Variants in PARD3 observed in about 807,000 individuals in gnomAD.
The protein encoded by PARD3 is partitioning defective 3 homolog.
PARD3 carries 75 observed loss-of-function variants against 155.4 expected under a neutral mutation model. The observed-to-expected ratio is 0.48, with a 90% CI of 0.40 to 0.58. The LOEUF (loss-of-function observed/expected upper bound fraction) is 0.58, where lower values mean the gene tolerates loss of function less well. PARD3 is among the 20% of genes least tolerant of loss of function. PARD3 has a pLI of 0.00. For missense variants in PARD3, 1,642 were observed against 1,721.7 expected (o/e 0.95, Z 0.82); for synonymous variants, 576 against 610.5 (o/e 0.94, Z 0.83).
chr10:34,344,290 T>C (rs1431343999), intron 15 of PARD3: 1 of 981,422 alleles, frequency 1.0e-6, no homozygotes, highest in African/African-American at 1.8e-5. Context: ...GTTTTTTTTT[T>C]TTTTTTTTTG....
intron 19 of PARD3, among the ~76,000 whole-genome samples, chr10:34,320,791 A>C (rs1206178091): frequency 1.3e-5 from 2 of 152,252 alleles, no homozygotes; most frequent in Non-Finnish European, 2.9e-5. Context: ...TGGACTGTTT[A>C]AAATGACACT....
chr10:34,415,578 C>A (rs899538843), intron 5 of PARD3, among the ~76,000 whole-genome samples: 7 of 152,070 alleles, frequency 4.6e-5, no homozygotes, highest in African/African-American at 1.4e-4. Context: ...GCAAACCAGT[C>A]AAACAGCAAA....
At chr10:34,406,032 T>C (rs572059356) in intron 5 of PARD3, among the ~76,000 whole-genome samples, 1 of 152,306 alleles carries the variant, frequency 6.6e-6, no homozygotes, top group East Asian at 1.9e-4. Flanking sequence ...GAGTCATCTG[T>C]ACAAAATGCC....
intron 1 of PARD3, among the ~76,000 whole-genome samples, chr10:34,800,455 C>CA (rs1313029883): frequency 6.6e-6 from 1 of 151,060 alleles, no homozygotes; most frequent in Non-Finnish European, 1.5e-5. Context: ...ACTAAAAATA[C>CA]AAAAAATTAG....
intron 22 of PARD3, among the ~76,000 whole-genome samples, chr10:34,267,049 G>C (rs1955349914): frequency 6.6e-6 from 1 of 152,052 alleles, no homozygotes; most frequent in Admixed American, 6.6e-5. Flanking sequence ...TATTTTTCAG[G>C]TTTTCAAAGT....
intron 2 of PARD3, among the ~76,000 whole-genome samples, chr10:34,624,226 T>C (rs183386332): frequency 1.3e-5 from 2 of 152,274 alleles, no homozygotes; most frequent in East Asian, 3.9e-4. Flanking sequence ...CAGGAAAAGG[T>C]GTGTAACAAG....
intron 1 of PARD3, among the ~76,000 whole-genome samples, chr10:34,739,951 A>C (rs1312357511): frequency 6.6e-6 from 1 of 152,176 alleles, no homozygotes. Flanking sequence ...CCAGAGTTGG[A>C]AGGCAAGGAC....
intron 3 of PARD3, among the ~76,000 whole-genome samples, chr10:34,501,717 C>A (rs1457054969): frequency 6.6e-6 from 1 of 151,586 alleles, no homozygotes; most frequent in Non-Finnish European, 1.5e-5. Flanking sequence ...AAAATAATGC[C>A]CTCCCACCCT....
At chr10:34,654,285 G>T (rs1389633533) in intron 2 of PARD3, among the ~76,000 whole-genome samples, 1 of 152,080 alleles carries the variant, frequency 6.6e-6, no homozygotes, top group African/African-American at 2.4e-5. Context: ...CATGTATAAG[G>T]TGATATCATA....
chr10:34,525,665 C>T (rs2082422945), intron 2 of PARD3, among the ~76,000 whole-genome samples: 1 of 152,054 alleles, frequency 6.6e-6, no homozygotes, highest in South Asian at 2.1e-4. Context: ...ATAAGAGAAT[C>T]CCTCAATAGT....
chr10:34,713,619 A>T lies in PARD3; in HGVS notation c.121-17200T>A, dbSNP rs552615904. On this transcript the variant is annotated intron_variant, in intron 1 of 24. Transcript: ENST00000374788. Reference sequence around the variant, plus strand: ...CACCAAAAAAATTAAAAATAAAATTAGTCAGGCGTGGTGTTCTGCACCTGT... The same window carrying T: ...CACCAAAAAAATTAAAAATAAAATTTGTCAGGCGTGGTGTTCTGCACCTGT... 2.2e-4 allele frequency among the ~76,000 whole-genome samples: 34 copies of T among 152,188 alleles called. 1 individual carries two copies. The highest frequency in any genetic ancestry group is 2.0e-3 in the Admixed American group (31 of 15,274).
chr10:34,125,990 C>A (rs1947269138), intron 23 of PARD3, among the ~76,000 whole-genome samples: 1 of 152,230 alleles, frequency 6.6e-6, no homozygotes, highest in African/African-American at 2.4e-5. Context: ...AAAAGCAACA[C>A]TAAGTCCTGT....
chr10:34,635,452 G>C (rs2092434093), intron 2 of PARD3, among the ~76,000 whole-genome samples: 1 of 152,234 alleles, frequency 6.6e-6, no homozygotes. Context: ...TGCCTATCCT[G>C]AGGGACCACA....
chr10:34,586,951 G>A (rs529556338), intron 2 of PARD3, among the ~76,000 whole-genome samples: 3 of 152,036 alleles, frequency 2.0e-5, no homozygotes, highest in East Asian at 3.9e-4. Context: ...CTCCATCTCC[G>A]AAAAAAAGAA....
intron 2 of PARD3, among the ~76,000 whole-genome samples, chr10:34,660,634 C>T (rs976141803): frequency 9.2e-5 from 14 of 151,932 alleles, no homozygotes; most frequent in Admixed American, 5.2e-4. Flanking sequence ...ATCTGTCATC[C>T]GCTCACTGAC....
chr10:34,549,522 C>G (rs937408420), intron 2 of PARD3, among the ~76,000 whole-genome samples: 4 of 152,118 alleles, frequency 2.6e-5, no homozygotes, highest in African/African-American at 9.7e-5. Context: ...CTGCTGATTC[C>G]ATTGAGATTC....
At chr10:34,675,663 A>G (rs558251052) in intron 2 of PARD3, 16 of 195,300 alleles carry the variant, frequency 8.2e-5, no homozygotes, top group African/African-American at 3.5e-4. Context: ...GTGCTCTTCA[A>G]TGACATCCTT....
chr10:34,183,226 C>T (rs1703581640), intron 22 of PARD3, among the ~76,000 whole-genome samples: 1 of 152,170 alleles, frequency 6.6e-6, no homozygotes, highest in African/African-American at 2.4e-5. Flanking sequence ...TAGTATGATC[C>T]AGCTGCTGCA....
chr10:34,355,947 C>CAAA lies in PARD3; in HGVS notation c.2067+3197_2067+3199dup, dbSNP rs1554837481. Among the ~76,000 whole-genome samples the CAAA allele has an allele frequency of 1.8e-3, 128 of 70,340 alleles. 2 individuals are homozygous for CAAA. The highest frequency in any genetic ancestry group is 1.4e-3 in the South Asian group (3 of 2,118). 46.1% of individuals were successfully genotyped at this position (70,340 alleles called of 152,430 possible). ...CTCAAAAAAAAAAAAAAAAAAAAAA[C>CAAA]AAAACAAAACCAAACAAAAAAACAG... is the stretch of plus-strand genomic sequence containing the variant. On this transcript the variant is annotated intron_variant, in intron 14 of 24. Coordinates refer to ENST00000374788, the MANE Select transcript of PARD3 (RefSeq NM_001184785.2).
Sources: allele counts gnomAD v4.1 joint callset (sites outside exome capture counted in the v4.1 genomes callset), GRCh38; gene constraint gnomAD v4.1.1; transcripts MANE v1.5; gene names NCBI Gene and HGNC (gene_info 2026-07-23, HGNC 2026-07-21).